Variants in NPAS3 observed in about 807,000 individuals in gnomAD.
The protein encoded by NPAS3 is neuronal PAS domain-containing protein 3.
NPAS3 carries 14 observed loss-of-function variants against 73.1 expected under a neutral mutation model. That is an observed-to-expected ratio of 0.19 (90% CI 0.13 to 0.30). The LOEUF is 0.30. Ranked by LOEUF, NPAS3 falls within the 10% of genes least tolerant of loss-of-function variation. The pLI is 1.00. For synonymous variants in NPAS3, 620 were observed against 541.5 expected (o/e 1.14, Z -2.01); for missense variants, 1,096 against 1,250.0 (o/e 0.88, Z 1.86).
At chr14:33,751,108 C>A (rs139443535) in intron 7 of NPAS3, among the ~76,000 whole-genome samples, 640 of 152,218 alleles carry the variant, frequency 4.2e-3, no homozygotes, top group Admixed American at 6.7e-3. Flanking sequence ...AGAGTAGGAA[C>A]GTTCATGTGG....
chr14:33,092,539 C>A (rs994890920), intron 2 of NPAS3, among the ~76,000 whole-genome samples: 1 of 152,194 alleles, frequency 6.6e-6, no homozygotes, highest in African/African-American at 2.4e-5. Flanking sequence ...AATGGCCATA[C>A]TGTCCAAGGT....
intron 3 of NPAS3, among the ~76,000 whole-genome samples, chr14:33,241,023 C>G (rs2048198169): frequency 6.6e-6 from 1 of 151,888 alleles, no homozygotes; most frequent in Non-Finnish European, 1.5e-5. Flanking sequence ...GCAGAATTCC[C>G]TTGGACCACT....
chr14:33,161,651 T>G (rs2044890097), intron 2 of NPAS3, among the ~76,000 whole-genome samples: 1 of 152,204 alleles, frequency 6.6e-6, no homozygotes, highest in Non-Finnish European at 1.5e-5. Context: ...GCTTCCTCCA[T>G]GGTTTAAGAG....
At chr14:33,043,703 C>CTTA (rs1323776106) in intron 1 of NPAS3, among the ~76,000 whole-genome samples, 9 of 152,080 alleles carry the variant, frequency 5.9e-5, no homozygotes, top group Admixed American at 3.9e-4. Context: ...GGAACAAAGA[C>CTTA]TTACACAGCA....
chr14:33,445,007 T>C (rs2139318364), intron 4 of NPAS3, among the ~76,000 whole-genome samples: 1 of 152,382 alleles, frequency 6.6e-6, no homozygotes, highest in South Asian at 2.1e-4. Context: ...TATTTTTTAT[T>C]TAAACCAAAA....
intron 4 of NPAS3, among the ~76,000 whole-genome samples, chr14:33,496,714 C>T (rs1389284026): frequency 1.3e-5 from 2 of 152,072 alleles, no homozygotes; most frequent in African/African-American, 4.8e-5. Context: ...ATAATAAGAG[C>T]TATTGATGAC....
chr14:33,580,281 C>T (rs560551228), intron 5 of NPAS3, among the ~76,000 whole-genome samples: 4 of 152,228 alleles, frequency 2.6e-5, no homozygotes, highest in South Asian at 2.1e-4. Flanking sequence ...TCTTTATTAA[C>T]TGGGCAAAAG....
intron 1 of NPAS3, among the ~76,000 whole-genome samples, chr14:33,016,351 T>C (rs956975977): frequency 1.3e-5 from 2 of 152,144 alleles, no homozygotes; most frequent in African/African-American, 4.8e-5. Context: ...TGAAATTCCA[T>C]GACTTAAGAC....
intron 2 of NPAS3, among the ~76,000 whole-genome samples, chr14:33,166,322 C>T (rs1291201542): frequency 6.6e-6 from 1 of 152,204 alleles, no homozygotes; most frequent in Non-Finnish European, 1.5e-5. Flanking sequence ...GAGATTGCAT[C>T]CTTCTGCCAA....
At chr14:33,425,968 A>G (rs537139658) in intron 4 of NPAS3, among the ~76,000 whole-genome samples, 7 of 152,090 alleles carry the variant, frequency 4.6e-5, no homozygotes, top group Non-Finnish European at 7.4e-5. Context: ...CAAGTGATAC[A>G]TTGTTCAAAC....
intron 2 of NPAS3, among the ~76,000 whole-genome samples, chr14:33,172,866 G>A (rs1352965932): frequency 6.6e-6 from 1 of 152,122 alleles, no homozygotes; most frequent in East Asian, 1.9e-4. Context: ...TGCCTAATAG[G>A]TCTTGGTAAT....
intron 4 of NPAS3, among the ~76,000 whole-genome samples, chr14:33,402,410 G>A (rs2047485645): frequency 6.6e-6 from 1 of 151,948 alleles, no homozygotes; most frequent in African/African-American, 2.4e-5. Context: ...ACAAACTCTA[G>A]CCCTCCTTTC....
intron 9 of NPAS3, among the ~76,000 whole-genome samples, chr14:33,779,163 C>T (rs1391425584): frequency 6.6e-6 from 1 of 152,204 alleles, no homozygotes; most frequent in African/African-American, 2.4e-5. Flanking sequence ...GGAACAGAAA[C>T]TTATCTCAGC....
At chr14:33,618,320 A>G (rs990635795) in intron 5 of NPAS3, among the ~76,000 whole-genome samples, 5 of 152,144 alleles carry the variant, frequency 3.3e-5, no homozygotes, top group Non-Finnish European at 7.3e-5. Flanking sequence ...ATAACTATAC[A>G]ACTCACCATA....
At chr14:33,128,695 G>A (rs950864235) in intron 2 of NPAS3, among the ~76,000 whole-genome samples, 1 of 152,046 alleles carries the variant, frequency 6.6e-6, no homozygotes, top group African/African-American at 2.4e-5. Flanking sequence ...AGCCAGTATT[G>A]TATACTCAAT....
intron 3 of NPAS3, among the ~76,000 whole-genome samples, chr14:33,222,777 T>C (rs542248391): frequency 4.3e-4 from 66 of 152,288 alleles, no homozygotes; most frequent in African/African-American, 1.5e-3. Flanking sequence ...CGGAGTTATA[T>C]AGTACTGATA....
At chr14:33,403,293 A>G (rs540218576) in intron 4 of NPAS3, among the ~76,000 whole-genome samples, 23 of 151,902 alleles carry the variant, frequency 1.5e-4, no homozygotes, top group African/African-American at 4.8e-4. Flanking sequence ...AATAGGCATT[A>G]AAAAAAAGCA....
intron 7 of NPAS3, among the ~76,000 whole-genome samples, chr14:33,738,461 T>C (rs1397581399): frequency 1.3e-5 from 2 of 152,174 alleles, no homozygotes; most frequent in East Asian, 1.9e-4. Context: ...TGCACTAGTG[T>C]ATCGGTGCTT....
chr14:32,999,855 G>T (rs1173391002), intron 1 of NPAS3, among the ~76,000 whole-genome samples: 1 of 152,104 alleles, frequency 6.6e-6, no homozygotes, highest in Non-Finnish European at 1.5e-5. Context: ...TTATAACTTA[G>T]GATGTACAAG....
Sources: gnomAD v4.1 joint callset for allele counts (sites outside exome capture counted in the v4.1 genomes callset) on GRCh38, gnomAD v4.1.1 for gene constraint, MANE v1.5 for transcripts, NCBI Gene and HGNC (gene_info 2026-07-23, HGNC 2026-07-21) for gene names.